The following CNTNAP4 variants were observed in gnomAD, a reference collection of about 807,000 sequenced individuals.
CNTNAP4 encodes the protein contactin-associated protein-like 4.
In CNTNAP4, 98 loss-of-function variants were observed where a neutral mutation model predicts 148.4. That is an observed-to-expected ratio of 0.66 (90% CI 0.56 to 0.78). The LOEUF (loss-of-function observed/expected upper bound fraction) is 0.78. Among genes scored for constraint, CNTNAP4 ranks in the 30% least tolerant of loss-of-function variants. The pLI, the probability that CNTNAP4 is intolerant of heterozygous loss-of-function variation, is 0.00. For missense variants in CNTNAP4, 1,935 were observed against 1,565.6 expected, an observed-to-expected ratio of 1.24 and a Z score of -3.98; for synonymous variants, 730 against 565.1, an observed-to-expected ratio of 1.29 and a Z score of -4.14.
intron 1 of CNTNAP4, among the ~76,000 whole-genome samples, chr16:76,306,084 A>G (rs1960450698): frequency 6.6e-6 from 1 of 152,092 alleles, no homozygotes; most frequent in Non-Finnish European, 1.5e-5. Context: ...GATTGATTCC[A>G]CATCTTTGCT....
intron 1 of CNTNAP4, among the ~76,000 whole-genome samples, chr16:76,292,982 A>G (rs1959167610): frequency 6.6e-6 from 1 of 152,180 alleles, no homozygotes; most frequent in Non-Finnish European, 1.5e-5. Flanking sequence ...GATTAATTCC[A>G]GCCACTTTCA....
intron 4 of CNTNAP4, among the ~76,000 whole-genome samples, chr16:76,436,011 C>A (rs146059832): frequency 1.3e-5 from 2 of 152,126 alleles, no homozygotes; most frequent in Admixed American, 1.3e-4. Context: ...AGTGCACCTC[C>A]TCATGGGTCA....
intron 2 of CNTNAP4, among the ~76,000 whole-genome samples, chr16:76,349,871 C>T (rs1014340628): frequency 5.3e-5 from 8 of 151,872 alleles, no homozygotes; most frequent in Admixed American, 2.6e-4. Context: ...AAAGTTGATA[C>T]GTCGCCTTTA....
chr16:76,549,465 A>T (rs1363329278), intron 21 of CNTNAP4, among the ~76,000 whole-genome samples: 1 of 152,158 alleles, frequency 6.6e-6, no homozygotes, highest in Non-Finnish European at 1.5e-5. Flanking sequence ...CGGCAAGCAG[A>T]TTAAAAAGTA....
At chr16:76,287,772 A>C (rs928236236) in intron 1 of CNTNAP4, 2 of 152,192 alleles carry the variant, frequency 1.3e-5, no homozygotes, top group Non-Finnish European at 2.9e-5. Context: ...TTTATATCAT[A>C]CAATATTTTA....
intron 3 of CNTNAP4, among the ~76,000 whole-genome samples, chr16:76,400,714 T>C (rs2078378087): frequency 6.6e-6 from 1 of 152,204 alleles, no homozygotes; most frequent in South Asian, 2.1e-4. Context: ...TTAACTTTTG[T>C]ATATGGTGTA....
intron 12 of CNTNAP4, among the ~76,000 whole-genome samples, chr16:76,482,773 C>G (rs1371642981): frequency 6.6e-6 from 1 of 152,178 alleles, no homozygotes; most frequent in Non-Finnish European, 1.5e-5. Flanking sequence ...AATGCCCAGA[C>G]AGCACTGCAG....
chr16:76,533,162 A>T (rs2084059703), intron 17 of CNTNAP4, among the ~76,000 whole-genome samples: 1 of 152,184 alleles, frequency 6.6e-6, no homozygotes, highest in South Asian at 2.1e-4. Context: ...AGGCATAAAA[A>T]AGAATAAAAT....
chr16:76,468,186 T>C (rs2081244058), intron 10 of CNTNAP4, among the ~76,000 whole-genome samples: 1 of 152,046 alleles, frequency 6.6e-6, no homozygotes, highest in African/African-American at 2.4e-5. Flanking sequence ...AAATAATATA[T>C]ATTTTTGGCT....
chr16:76,284,251 T>G (rs1958797245), intron 1 of CNTNAP4, among the ~76,000 whole-genome samples: 1 of 151,980 alleles, frequency 6.6e-6, no homozygotes, highest in Non-Finnish European at 1.5e-5. Flanking sequence ...GGTGGTGGCA[T>G]GCAAATTCTT....
At chr16:76,354,887 C>G (rs1669534324) in intron 2 of CNTNAP4, among the ~76,000 whole-genome samples, 1 of 152,176 alleles carries the variant, frequency 6.6e-6, no homozygotes, top group Non-Finnish European at 1.5e-5. Context: ...AACATGATCA[C>G]AAGTAGATTT....
At chr16:76,400,549 T>A (rs1365170404) in intron 3 of CNTNAP4, among the ~76,000 whole-genome samples, 2 of 152,178 alleles carry the variant, frequency 1.3e-5, no homozygotes, top group Admixed American at 1.3e-4. Context: ...TTTAACTAGA[T>A]CCCATTTGTC....
At chr16:76,468,893 A>G (rs1487616582) in intron 10 of CNTNAP4, among the ~76,000 whole-genome samples, 2 of 152,236 alleles carry the variant, frequency 1.3e-5, no homozygotes, top group African/African-American at 2.4e-5. Context: ...TGCCATAACC[A>G]TTACAGATTA....
At chr16:76,469,507 C>G (rs1050482770) in intron 10 of CNTNAP4, 1 of 152,212 alleles carries the variant, frequency 6.6e-6, no homozygotes, top group Non-Finnish European at 1.5e-5. Flanking sequence ...GGCTCAGTCA[C>G]GCACACTCTG....
intron 15 of CNTNAP4, among the ~76,000 whole-genome samples, chr16:76,520,462 G>A (rs961407080): frequency 7.9e-5 from 12 of 151,994 alleles, no homozygotes; most frequent in African/African-American, 2.9e-4. Flanking sequence ...TGCCCATTTT[G>A]AACATTTGTA....
chr16:76,519,967 G>A (rs2083394960), intron 15 of CNTNAP4, among the ~76,000 whole-genome samples: 3 of 152,190 alleles, frequency 2.0e-5, no homozygotes, highest in Admixed American at 2.0e-4. Flanking sequence ...TTTTAACTCT[G>A]TATCTTGGTA....
At chr16:76,308,404 G>C (rs563756945) in intron 1 of CNTNAP4, among the ~76,000 whole-genome samples, 2 of 152,236 alleles carry the variant, frequency 1.3e-5, no homozygotes, top group East Asian at 3.9e-4. Context: ...TTCAATCCTA[G>C]GTGTATTGTC....
intron 10 of CNTNAP4, among the ~76,000 whole-genome samples, chr16:76,474,860 A>G (rs1237222117): frequency 6.6e-6 from 1 of 152,222 alleles, no homozygotes; most frequent in East Asian, 1.9e-4. Flanking sequence ...AAACTTAACA[A>G]TGCCATAACA....
At chr16:76,523,745 C>A (rs759078471) in intron 17 of CNTNAP4, among the ~76,000 whole-genome samples, 1 of 152,022 alleles carries the variant, frequency 6.6e-6, no homozygotes, top group African/African-American at 2.4e-5. Flanking sequence ...GGAAACACAG[C>A]AAGATCCATC....
Sources: gnomAD v4.1 joint callset for allele counts (sites outside exome capture counted in the v4.1 genomes callset) on GRCh38, gnomAD v4.1.1 for gene constraint, MANE v1.5 for transcripts, NCBI Gene and HGNC (gene_info 2026-07-23, HGNC 2026-07-21) for gene names.